FANK1: variants seen among roughly 807,000 people sequenced by gnomAD.
The protein encoded by FANK1 is fibronectin type III and ankyrin repeat domains 1.
A neutral mutation model predicts 45.3 loss-of-function variants in FANK1; 44 were observed. The ratio of observed to expected loss-of-function variants is 0.97; its 90% CI spans 0.76 to 1.25. The LOEUF is 1.25. Among genes scored for constraint, FANK1 ranks in the 50% most tolerant of loss-of-function variants. The pLI, the probability that FANK1 is intolerant of heterozygous loss-of-function variation, is 0.00. For synonymous variants in FANK1, 149 were observed against 152.5 expected, an observed-to-expected ratio of 0.98 and a Z score of 0.17; for missense variants, 391 against 424.4, an observed-to-expected ratio of 0.92 and a Z score of 0.69.
At chr10:125,953,593 G>C (rs1949390518) in intron 1 of FANK1, among the ~76,000 whole-genome samples, 1 of 152,236 alleles carries the variant, frequency 6.6e-6, no homozygotes, top group African/African-American at 2.4e-5. Flanking sequence ...GCCCTACAAA[G>C]TGAGCAGCTT....
chr10:125,987,996 G>GAA (rs1281761646), intron 2 of FANK1, among the ~76,000 whole-genome samples: 4 of 152,184 alleles, frequency 2.6e-5, no homozygotes, highest in African/African-American at 7.2e-5. Flanking sequence ...TTCCTAAGAT[G>GAA]AACTTGACCA....
In FANK1 at chr10:125,983,668, TG is replaced by T. The variant is rs1263697821; in HGVS notation, c.191+3332del. On this transcript the variant is annotated intron_variant, in intron 2 of 10. Transcript: ENST00000368693. The surrounding 1 kb of genome is among the most constrained non-coding windows in gnomAD (Gnocchi z 4.3). ...GCCTGGCAGTACAAATGTACCTGGCTGGTCCCAGGAGCATTGAGGAACAGAG... is the reference window on the plus strand; with the variant it reads ...GCCTGGCAGTACAAATGTACCTGGCTGTCCCAGGAGCATTGAGGAACAGAG... 6.6e-6 allele frequency among the ~76,000 whole-genome samples: 1 copy of T among 152,102 alleles called. No individual in the cohort carries two copies. The highest frequency in any genetic ancestry group is 1.5e-5 in the Non-Finnish European group (1 of 68,032).
chr10:125,995,800 G>T (rs1952285718), intron 4 of FANK1, among the ~76,000 whole-genome samples: 1 of 152,124 alleles, frequency 6.6e-6, no homozygotes. Context: ...GCAGCATTTA[G>T]GCAAATTTCA....
chr10:125,975,503 A>T (rs1950801013), intron 1 of FANK1, among the ~76,000 whole-genome samples: 1 of 151,996 alleles, frequency 6.6e-6, no homozygotes, highest in Admixed American at 6.6e-5. Flanking sequence ...AGCATCTATT[A>T]TTTTTTTGGC....
In FANK1 at chr10:125,948,200, A is replaced by G. The variant is rs1025213144; in HGVS notation, c.14-31961A>G. Among the ~76,000 whole-genome samples the G allele has an allele frequency of 2.3e-4, 35 of 149,142 alleles. No homozygotes were observed. The East Asian group carries it at 3.2e-3, about 14-fold the overall frequency. ...ATTGACACCCTAACATCACAATTAA[A>G]AGAACTAGAAAAGCAAGAGCAAACA... On this transcript the variant is annotated intron_variant, in intron 1 of 10. Transcript: ENST00000368693.
At position 125,980,308 on chromosome 10, in the gene FANK1, C is replaced by T; in HGVS notation, c.161C>T (p.Pro54Leu). Residue 54 changes from proline (P) to leucine (L), a missense_variant, in exon 2 of 11, where the codon CCC becomes CTC. Pro to Leu is a moderately conservative substitution (Grantham distance 98). Coordinates refer to ENST00000368693, the MANE Select transcript of FANK1 (RefSeq NM_145235.5). ...WFRFSIEEED[P>L]KMHTYGIIYT... The stretch of plus-strand genomic sequence containing the variant: ...AGGTTCTCGATTGAAGAAGAAGACC[C>T]CAAAATGCACACTTATGGTATCATT... The T allele has an allele frequency of 1.2e-6, 2 of 1,614,038 alleles. No homozygotes were observed. The highest frequency in any genetic ancestry group is 1.7e-6 in the Non-Finnish European group (2 of 1,179,992).
intron 1 of FANK1, among the ~76,000 whole-genome samples, chr10:125,950,006 G>A (rs1198283648): frequency 9.9e-5 from 12 of 120,980 alleles, no homozygotes; most frequent in Non-Finnish European, 1.6e-4. Context: ...AGAAAAACAA[G>A]CAATGGGGAA....
At chr10:125,920,131 GT>G (rs1287760046) in intron 1 of FANK1, among the ~76,000 whole-genome samples, 1 of 152,122 alleles carries the variant, frequency 6.6e-6, no homozygotes, top group Non-Finnish European at 1.5e-5. Flanking sequence ...TCATAAGCTT[GT>G]TTTGTCTCCT....
intron 1 of FANK1, among the ~76,000 whole-genome samples, chr10:125,914,186 G>T (rs1397800139): frequency 2.0e-5 from 3 of 151,756 alleles, no homozygotes; most frequent in Middle Eastern, 3.4e-3. Flanking sequence ...CATAGGATAT[G>T]TTAAGTGATG....
chr10:125,918,232 G>A (rs1470350357), intron 1 of FANK1, among the ~76,000 whole-genome samples: 1 of 152,064 alleles, frequency 6.6e-6, no homozygotes, highest in East Asian at 1.9e-4. Flanking sequence ...CAGCGTGAAT[G>A]CACTTAATGC....
intron 1 of FANK1, among the ~76,000 whole-genome samples, chr10:125,950,427 AC>A (rs1258318575): frequency 6.7e-6 from 1 of 149,698 alleles, no homozygotes; most frequent in Middle Eastern, 3.2e-3. Context: ...CAAGAAAAAA[AC>A]AAACAACCCC....
chr10:125,978,041 T>G (rs1442191188), intron 1 of FANK1, among the ~76,000 whole-genome samples: 1 of 151,914 alleles, frequency 6.6e-6, no homozygotes, highest in Non-Finnish European at 1.5e-5. Context: ...ACCTGTCCAG[T>G]GAGGAGATAT....
intron 8 of FANK1, 135 bp from the exon 9 acceptor site, chr10:126,008,919 C>T: frequency 1.3e-6 from 1 of 765,674 alleles, no homozygotes; most frequent in Non-Finnish European, 2.1e-6. Context: ...TGCCTGCAGG[C>T]CATGCAAAGC....
Position 126,009,128 on chromosome 10 carries a change from T to C in FANK1, c.924T>C (p.Asn308=). 1 of 1,614,166 alleles carries C rather than the reference T, an allele frequency of 6.2e-7. No homozygotes were observed. ...AAGGGGCAGATGCAAGTGTAAAAAATGAGGTAAATGAGTCCATCTTTATGT... is the reference window on the plus strand; with the variant it reads ...AAGGGGCAGATGCAAGTGTAAAAAACGAGGTAAATGAGTCCATCTTTATGT... ...LDKGADASVK[N]EFGKGVLEMA... is the part of the protein sequence containing the mutation. Residue 308 remains asparagine (N), a synonymous_variant, in exon 9 of 11, where the codon AAT becomes AAC. Transcript: ENST00000368693.
intron 7 of FANK1, 112 bp from the exon 8 acceptor site, chr10:126,008,295 A>C (rs1450320095): frequency 7.2e-7 from 1 of 1,391,136 alleles, no homozygotes; most frequent in Non-Finnish European, 9.6e-7. Flanking sequence ...AAATATAGAA[A>C]GACGGCTATC....
intron 1 of FANK1, among the ~76,000 whole-genome samples, chr10:125,905,106 A>C (rs79287900): frequency 7.9e-6 from 1 of 127,102 alleles, no homozygotes; most frequent in East Asian, 2.7e-4. Context: ...ACTCCAGCCC[A>C]GGTGACAGAG....
At chr10:125,953,857 G>A (rs1949406841) in intron 1 of FANK1, among the ~76,000 whole-genome samples, 1 of 152,168 alleles carries the variant, frequency 6.6e-6, no homozygotes, top group Non-Finnish European at 1.5e-5. Context: ...ATGATTCTCT[G>A]CCTTCCCCAT....
chr10:125,918,274 C>T (rs74963203), intron 1 of FANK1, among the ~76,000 whole-genome samples: 2,481 of 143,096 alleles, frequency 0.017, 31 homozygotes, highest in South Asian at 0.035. Context: ...TGGTTAAAAT[C>T]GGGCTGGGCA....
intron 1 of FANK1, among the ~76,000 whole-genome samples, chr10:125,925,407 G>A (rs916990571): frequency 1.3e-5 from 2 of 152,108 alleles, no homozygotes; most frequent in African/African-American, 4.8e-5. Flanking sequence ...TCTTTCACGT[G>A]TATGTGTGTA....
Sources: allele counts gnomAD v4.1 joint callset (sites outside exome capture counted in the v4.1 genomes callset), GRCh38; gene constraint gnomAD v4.1.1; non-coding constraint Gnocchi (gnomAD v3.1); transcripts MANE v1.5; gene names NCBI Gene and HGNC (gene_info 2026-07-23, HGNC 2026-07-21).